The following TPH2 variants were observed in gnomAD, a reference collection of about 807,000 sequenced individuals.
TPH2 encodes tryptophan hydroxylase 2.
In TPH2, 27 loss-of-function variants were observed where a neutral mutation model predicts 59.1. That is an observed-to-expected ratio of 0.46 (90% CI 0.34 to 0.63). TPH2 has a LOEUF of 0.63. Ranked by LOEUF, TPH2 falls within the 30% of genes least tolerant of loss-of-function variation. The probability of loss-of-function intolerance (pLI) is 0.01; values close to 1 mark genes in which losing one functional copy is unlikely to be tolerated. For synonymous variants in TPH2, 220 were observed against 210.5 expected, an observed-to-expected ratio of 1.05 and a Z score of -0.39; for missense variants, 523 against 588.3, an observed-to-expected ratio of 0.89 and a Z score of 1.15.
At chr12:71,990,759 G>A (rs181992974) in intron 7 of TPH2, among the ~76,000 whole-genome samples, 7 of 152,310 alleles carry the variant, frequency 4.6e-5, no homozygotes, top group Admixed American at 2.6e-4. Context: ...CCCATGACAT[G>A]CTATGTCCAC....
chr12:71,951,726 A>G (rs1385333254), intron 5 of TPH2, among the ~76,000 whole-genome samples: 1 of 143,164 alleles, frequency 7.0e-6, no homozygotes, highest in Admixed American at 7.0e-5. Flanking sequence ...GTGTGTGTGT[A>G]TAAAATGACA....
intron 8 of TPH2, among the ~76,000 whole-genome samples, chr12:72,014,082 T>G (rs1284416124): frequency 6.6e-6 from 1 of 152,180 alleles, no homozygotes; most frequent in Non-Finnish European, 1.5e-5. Flanking sequence ...TTGGAATTTA[T>G]ATGATGACTG....
chr12:71,995,223 AG>A (rs2139222337), intron 8 of TPH2, among the ~76,000 whole-genome samples: 1 of 152,264 alleles, frequency 6.6e-6, no homozygotes, highest in Admixed American at 6.5e-5. Flanking sequence ...ATGAGAGAAA[AG>A]GTTTAATGTT....
chr12:71,962,172 G>A (rs1204061514), intron 5 of TPH2: 45 of 986,102 alleles, frequency 4.6e-5, no homozygotes, highest in Admixed American at 6.1e-5. Flanking sequence ...GTCAAGCCAC[G>A]TATGTCAGAT....
intron 5 of TPH2, among the ~76,000 whole-genome samples, chr12:71,954,069 G>A (rs969970948): frequency 6.6e-6 from 1 of 152,136 alleles, no homozygotes; most frequent in Non-Finnish European, 1.5e-5. Context: ...ATAAATCAGG[G>A]GGGAAGAATA....
intron 5 of TPH2, among the ~76,000 whole-genome samples, chr12:71,954,292 G>A (rs2139188580): frequency 6.6e-6 from 1 of 152,222 alleles, no homozygotes; most frequent in South Asian, 2.1e-4. Context: ...CTGCAGACAT[G>A]AGTGTGGGAA....
intron 7 of TPH2, among the ~76,000 whole-genome samples, chr12:71,981,969 T>C (rs757316685): frequency 6.6e-6 from 1 of 151,474 alleles, no homozygotes; most frequent in Non-Finnish European, 1.5e-5. Context: ...TCACTTGGGG[T>C]TGTTTTTACA....
At chr12:71,941,136 TA>T (rs1048380223) in intron 1 of TPH2, among the ~76,000 whole-genome samples, 118 of 152,328 alleles carry the variant, frequency 7.7e-4, no homozygotes, top group African/African-American at 2.8e-3. Context: ...TTTTAAAATT[TA>T]ATTGAAACTA....
chr12:71,959,175 T>C (rs112601983), intron 5 of TPH2, among the ~76,000 whole-genome samples: 6 of 152,238 alleles, frequency 3.9e-5, no homozygotes, highest in Admixed American at 1.3e-4. Flanking sequence ...TTTAAGATAT[T>C]TGAGTAGATA....
intron 1 of TPH2, among the ~76,000 whole-genome samples, chr12:71,939,655 A>AT (rs1852860014): frequency 6.6e-6 from 1 of 152,082 alleles, no homozygotes; most frequent in Non-Finnish European, 1.5e-5. Context: ...ACATTGCTCA[A>AT]TTTTTTTCAG....
intron 8 of TPH2, among the ~76,000 whole-genome samples, chr12:72,008,149 A>G (rs1307034193): frequency 1.3e-5 from 2 of 152,208 alleles, no homozygotes. Context: ...AAGGAGCAAG[A>G]TGGCTGATCA....
chr12:72,031,464 A>T, intron 10 of TPH2, 57 bp from the exon 11 acceptor site: 1 of 1,612,790 alleles, frequency 6.2e-7, no homozygotes, highest in African/African-American at 1.3e-5. Context: ...CCTTTTATCT[A>T]TCCCTCGTAC....
At chr12:71,950,772 G>A (rs927984401) in intron 5 of TPH2, among the ~76,000 whole-genome samples, 1 of 152,148 alleles carries the variant, frequency 6.6e-6, no homozygotes, top group East Asian at 1.9e-4. Flanking sequence ...ACTGGTGAAA[G>A]TTTAGAACAT....
chr12:71,942,549 G>C (rs7134722), intron 2 of TPH2, among the ~76,000 whole-genome samples: 3,906 of 152,228 alleles, frequency 0.026, 152 homozygotes, highest in African/African-American at 0.088. Context: ...CAGTTAGGGG[G>C]TTCAGACCTG....
chr12:72,010,473 G>T (rs1420033003), intron 8 of TPH2, among the ~76,000 whole-genome samples: 1 of 152,064 alleles, frequency 6.6e-6, no homozygotes, highest in Non-Finnish European at 1.5e-5. Context: ...AGTGGTGATG[G>T]TTAGTGACTA....
chr12:71,999,537 A>G (rs964079682), intron 8 of TPH2, among the ~76,000 whole-genome samples: 1 of 152,192 alleles, frequency 6.6e-6, no homozygotes, highest in Non-Finnish European at 1.5e-5. Context: ...GAGACCTGCT[A>G]TTTACCACTG....
chr12:71,999,041 T>C (rs928803800), intron 8 of TPH2, among the ~76,000 whole-genome samples: 1 of 152,224 alleles, frequency 6.6e-6, no homozygotes, highest in Non-Finnish European at 1.5e-5. Context: ...TGTGATGTGC[T>C]ATCGACAAAT....
intron 8 of TPH2, among the ~76,000 whole-genome samples, chr12:72,016,041 G>A (rs1873241373): frequency 1.3e-5 from 2 of 152,200 alleles, no homozygotes; most frequent in African/African-American, 2.4e-5. Context: ...TGCTGGATTT[G>A]TAGATGGGAA....
In TPH2 at chr12:71,964,304, T is replaced by A. The variant is rs979801664; in HGVS notation, c.609-8215T>A. On this transcript the variant is annotated intron_variant, in intron 5 of 10. Transcript: ENST00000333850. ...AAATATATATATAGTTGTTTTGTTT[T>A]GAGATGGGGTCTCTGTCGTCCAGGC... 4 of 49,248 alleles carry A rather than the reference T, an allele frequency of 8.1e-5. 2 individuals are homozygous for A. Among genetic ancestry groups the A allele is most frequent in the African/African-American group, 2.3e-4 (4 of 17,532 alleles). The allele number at this position is 49,248 out of a possible 1,614,324, so 3.1% of individuals were successfully genotyped here. A position where few individuals can be genotyped will look rare whatever the true frequency, so the allele number is the denominator to read the frequency against.
Sources: allele counts gnomAD v4.1 joint callset (sites outside exome capture counted in the v4.1 genomes callset), GRCh38; gene constraint gnomAD v4.1.1; transcripts MANE v1.5; gene names NCBI Gene and HGNC (gene_info 2026-07-23, HGNC 2026-07-21).